Variants in ZBED6 observed in about 807,000 individuals in gnomAD.
ZBED6 encodes the protein zinc finger BED domain-containing protein 6.
ZBED6 carries 40 observed loss-of-function variants against 58.4 expected under a neutral mutation model. That is an observed-to-expected ratio of 0.68 (90% CI 0.53 to 0.89). The LOEUF is 0.89. Among genes scored for constraint, ZBED6 ranks in the 40% least tolerant of loss-of-function variants. ZBED6 has a pLI of 0.00. For synonymous variants in ZBED6, 439 were observed against 350.6 expected (o/e 1.25, Z -2.82); for missense variants, 1,057 against 1,003.9 (o/e 1.05, Z -0.71).
At chr1:203,841,448 G>A (rs1010329248) in intron 11 of ZBED6, among the ~76,000 whole-genome samples, 2 of 152,182 alleles carry the variant, frequency 1.3e-5, no homozygotes, top group African/African-American at 4.8e-5. Context: ...CACAGCACAT[G>A]TTTCAGAGAG....
At chr1:203,822,748 G>A (rs1452475854) in intron 3 of ZBED6, among the ~76,000 whole-genome samples, 4 of 152,164 alleles carry the variant, frequency 2.6e-5, no homozygotes, top group South Asian at 4.2e-4. Context: ...CCAACCCTCC[G>A]TGGGTTCCAA....
intron 1 of ZBED6, among the ~76,000 whole-genome samples, chr1:203,815,270 A>C (rs1470411827): frequency 8.1e-6 from 1 of 124,026 alleles, no homozygotes; most frequent in African/African-American, 3.2e-5. Context: ...GCTGGAGTGC[A>C]GTGGCGCAAT....
exon 5 of ZBED6, chr1:203,829,458 G>A: frequency 6.2e-7 from 1 of 1,613,906 alleles, no homozygotes; most frequent in Non-Finnish European, 8.5e-7. Context: ...TAGCTGTGTT[G>A]CCCACTGTGC....
At chr1:203,844,160 T>TTTTTTA (rs1414169766) in intron 11 of ZBED6, among the ~76,000 whole-genome samples, 1 of 151,824 alleles carries the variant, frequency 6.6e-6, no homozygotes, top group African/African-American at 2.4e-5. Context: ...CCCGCCTTTA[T>TTTTTTA]TTTTTATTTT....
chr1:203,819,176 G>T (rs920274135), intron 3 of ZBED6, among the ~76,000 whole-genome samples: 1 of 148,030 alleles, frequency 6.8e-6, no homozygotes, highest in Non-Finnish European at 1.5e-5. Flanking sequence ...ATATGTGTGT[G>T]TATATATATA....
chr1:203,815,768 T>A (rs1676168087), intron 1 of ZBED6, among the ~76,000 whole-genome samples: 1 of 152,180 alleles, frequency 6.6e-6, no homozygotes, highest in Admixed American at 6.5e-5. Context: ...TGACTGAATT[T>A]GATTTAATTG....
Position 203,796,158 on chromosome 1 carries a change from G to C in ZBED6, c.-1365G>C, listed in dbSNP as rs1355253024. The C allele has an allele frequency of 1.0e-5, 3 of 296,426 alleles. No individual in the cohort carries two copies. In the East Asian group the frequency reaches 1.6e-4, roughly 16 times the overall value. 18.4% of individuals were successfully genotyped at this position (296,426 alleles called of 1,614,324 possible). On this transcript the variant is annotated 5_prime_UTR_variant, in exon 1 of 17. Transcript: ENST00000550078. ...AGCCCCGAAAACCGACTGTTCCCCC[G>C]AATCCCGAAGAGAGAACTGACACTA... is the stretch of plus-strand genomic sequence containing the variant.
intron 1 of ZBED6, among the ~76,000 whole-genome samples, chr1:203,812,418 C>G (rs1056296738): frequency 2.6e-5 from 4 of 152,056 alleles, no homozygotes; most frequent in Non-Finnish European, 4.4e-5. Flanking sequence ...GGATAATAGC[C>G]TCTGGCTCCA....
In ZBED6 at chr1:203,852,005, C is replaced by T. The variant is rs16830293; in HGVS notation, c.*4874-136C>T. On this transcript the variant is annotated intron_variant, in intron 16 of 16. Transcript: ENST00000550078. ...AAAAAAAAAAAAAAAAGCTTGATCC[C>T]AAATCAGTAAAAGAATTATTTCTTT... is the stretch of plus-strand genomic sequence containing the variant. The T allele has an allele frequency of 0.041, 18,207 of 444,002 alleles. 2,009 individuals are homozygous for T. In the East Asian group the frequency reaches 0.42, roughly 10 times the overall value. The allele number at this position is 444,002 out of a possible 1,614,324, so 27.5% of individuals were successfully genotyped here. A position where few individuals can be genotyped will look rare whatever the true frequency, so the allele number is the denominator to read the frequency against.
chr1:203,817,775 C>T (rs954659852), intron 2 of ZBED6, among the ~76,000 whole-genome samples: 2 of 151,444 alleles, frequency 1.3e-5, no homozygotes, highest in African/African-American at 4.8e-5. Flanking sequence ...TTTTTTGAGA[C>T]GGAGTCTAGT....
chr1:203,848,318 A>C lies in ZBED6; in HGVS notation c.*4246-13A>C. On this transcript the variant is annotated splice_polypyrimidine_tract_variant and intron_variant, in intron 12 of 16. Transcript: ENST00000550078. ...AAATAAAATAACTAATGATGTCTTTAATGTGAATACAGGGATGAAAGAAGA... is the reference window on the plus strand; with the variant it reads ...AAATAAAATAACTAATGATGTCTTTCATGTGAATACAGGGATGAAAGAAGA... 1 of 1,597,956 alleles carries C rather than the reference A, an allele frequency of 6.3e-7. No homozygotes were observed. Among genetic ancestry groups the C allele is most frequent in the Non-Finnish European group, 8.5e-7 (1 of 1,173,896 alleles).
intron 7 of ZBED6, among the ~76,000 whole-genome samples, chr1:203,830,813 A>G (rs1257450367): frequency 3.9e-5 from 6 of 152,180 alleles, no homozygotes; most frequent in African/African-American, 1.2e-4. Flanking sequence ...GTCTCAAAAA[A>G]GAAAAAAAAG....
chr1:203,829,483 G>A, exon 5 of ZBED6: 7 of 1,614,014 alleles, frequency 4.3e-6, no homozygotes, highest in Non-Finnish European at 5.9e-6. Context: ...GTCACCAGAA[G>A]AGGAAGTGAA....
At chr1:203,797,817 C>T (rs1031766469) in exon 1 of ZBED6, 3 of 1,535,886 alleles carry the variant, frequency 2.0e-6, no homozygotes, top group South Asian at 2.4e-5. Flanking sequence ...TGCAGATGCC[C>T]CTGCTTTGTT....
intron 13 of ZBED6, among the ~76,000 whole-genome samples, chr1:203,849,442 T>C (rs1268380556): frequency 1.3e-5 from 2 of 152,252 alleles, no homozygotes; most frequent in Non-Finnish European, 2.9e-5. Flanking sequence ...TTTGTGCAGG[T>C]ATTTGATTAT....
chr1:203,804,187 T>C (rs1671425753), intron 1 of ZBED6, among the ~76,000 whole-genome samples: 1 of 150,070 alleles, frequency 6.7e-6, no homozygotes, highest in Non-Finnish European at 1.5e-5. Flanking sequence ...AGTCTCGCTC[T>C]GTCGCCCAGG....
chr1:203,833,809 G>T (rs771089364), exon 9 of ZBED6: 3 of 1,609,374 alleles, frequency 1.9e-6, no homozygotes, highest in Non-Finnish European at 2.5e-6. Flanking sequence ...CCCTTGGTTA[G>T]ATTGAGTCTT....
At chr1:203,851,292 G>A (rs1001122859) in intron 16 of ZBED6, among the ~76,000 whole-genome samples, 168 bp downstream of exon 16, 1 of 152,128 alleles carries the variant, frequency 6.6e-6, no homozygotes, top group Non-Finnish European at 1.5e-5. Context: ...CTTCTTTGGT[G>A]CCATTGTTTA....
At position 203,796,607 on chromosome 1, in the gene ZBED6, T is replaced by TGTATGTAG. The variant is rs1412563805; in HGVS notation, c.-911_-904dup. 1 of 396,400 alleles carries TGTATGTAG rather than the reference T, an allele frequency of 2.5e-6. No homozygotes were observed. The highest frequency in any genetic ancestry group is 3.6e-5 in the East Asian group (1 of 27,984). 24.6% of individuals were successfully genotyped at this position (396,400 alleles called of 1,614,324 possible). On this transcript the variant is annotated 5_prime_UTR_variant, in exon 1 of 17. It adds an upstream start codon to the 5' untranslated region. Coordinates refer to ENST00000550078, the Ensembl canonical transcript of ZBED6. ...AGATAGCGATGCTTTTTAGGGTAAA[T>TGTATGTAG]GTATGTAGGTATTGGGGGAAGGGGA... is the stretch of plus-strand genomic sequence containing the variant.
Sources: allele counts gnomAD v4.1 joint callset (sites outside exome capture counted in the v4.1 genomes callset), GRCh38; gene constraint gnomAD v4.1.1; transcripts MANE v1.5; gene names NCBI Gene and HGNC (gene_info 2026-07-23, HGNC 2026-07-21).